The following CMIP variants were observed in gnomAD, a reference collection of about 807,000 sequenced individuals.
The protein encoded by CMIP is c-Maf inducing protein.
In CMIP, 13 loss-of-function variants were observed where a neutral mutation model predicts 97.3. That is an observed-to-expected ratio of 0.13 (90% CI 0.09 to 0.21). CMIP has a LOEUF of 0.21. Among genes scored for constraint, CMIP ranks in the 10% least tolerant of loss-of-function variants. CMIP has a pLI of 1.00. For missense variants in CMIP, 847 were observed against 1,024.9 expected (o/e 0.83, Z 2.37); for synonymous variants, 538 against 436.3 (o/e 1.23, Z -2.91).
intron 13 of CMIP, chr16:81,696,072 T>G: frequency 5.6e-6 from 1 of 177,452 alleles, no homozygotes; most frequent in South Asian, 1.1e-4. Context: ...AGGGAGAGGT[T>G]TCTAGAGAAA....
At chr16:81,479,063 C>T (rs1224721097) in intron 1 of CMIP, among the ~76,000 whole-genome samples, 2 of 152,164 alleles carry the variant, frequency 1.3e-5, no homozygotes, top group African/African-American at 4.8e-5. Context: ...AAAGTGTGCA[C>T]CAGCTCTTTA....
intron 3 of CMIP, among the ~76,000 whole-genome samples, chr16:81,641,516 T>C (rs1156708027): frequency 6.6e-6 from 1 of 152,206 alleles, no homozygotes. Context: ...GGTACTCAGC[T>C]GGGAGCCTGA....
chr16:81,665,718 A>G (rs2092595904), intron 7 of CMIP: 1 of 152,220 alleles, frequency 6.6e-6, no homozygotes, highest in African/African-American at 2.4e-5. Context: ...AGAATAGTAT[A>G]TCACCTACAG....
At chr16:81,523,622 C>T (rs529136124) in intron 1 of CMIP, among the ~76,000 whole-genome samples, 3 of 152,346 alleles carry the variant, frequency 2.0e-5, no homozygotes, top group Non-Finnish European at 1.5e-5. Context: ...ATTTAGATCC[C>T]AGCCAAACCC....
intron 1 of CMIP, chr16:81,464,407 G>T (rs930225573): frequency 6.6e-6 from 1 of 152,216 alleles, no homozygotes; most frequent in Non-Finnish European, 1.5e-5. Flanking sequence ...CCCAGTCGCT[G>T]TCCCTACCCC....
At chr16:81,554,960 C>G (rs1050641133) in intron 1 of CMIP, among the ~76,000 whole-genome samples, 2 of 152,194 alleles carry the variant, frequency 1.3e-5, no homozygotes, top group Admixed American at 1.3e-4. Context: ...GGATGCCCCC[C>G]AGAAGGGGGG....
At chr16:81,509,979 C>T (rs774620534) in intron 1 of CMIP, among the ~76,000 whole-genome samples, 1 of 152,206 alleles carries the variant, frequency 6.6e-6, no homozygotes, top group Non-Finnish European at 1.5e-5. Flanking sequence ...GGAAGTATGC[C>T]TGAATCAGAC....
Position 81,566,020 on chromosome 16 carries a change from G to A in CMIP, c.301-41547G>A, listed in dbSNP as rs2090977381. 2.0e-5 allele frequency among the ~76,000 whole-genome samples: 3 copies of A among 152,278 alleles called. No homozygotes were observed. In the South Asian group the frequency reaches 6.2e-4, roughly 32 times the overall value. ...CAGGCGAGAAACTCGGGAGGCCGAG[G>A]CAAATAGTTGGTTCTTTGAGGCTGA... On this transcript the variant is annotated intron_variant, in intron 1 of 20. Coordinates refer to ENST00000537098, the MANE Select transcript of CMIP (RefSeq NM_198390.3).
rs190406212 is a variant in CMIP at position 81,474,478 on chromosome 16, G to A, written c.300+28937G>A. Among the ~76,000 whole-genome samples, 7 of 152,290 alleles carry A rather than the reference G, an allele frequency of 4.6e-5. No homozygotes were observed. The East Asian group carries it at 1.2e-3, about 25-fold the overall frequency. ...ACGTCGCACACTACTTCTGCTTCAT[G>A]TGAGGGGTTCATGGTGGCTTCTCCC... On this transcript the variant is annotated intron_variant, in intron 1 of 20. Transcript: ENST00000537098.
At chr16:81,540,247 G>A (rs764493651) in intron 1 of CMIP, among the ~76,000 whole-genome samples, 4 of 152,146 alleles carry the variant, frequency 2.6e-5, no homozygotes, top group Non-Finnish European at 4.4e-5. Flanking sequence ...ATGAGTCCCC[G>A]GCTTTCCTTA....
At chr16:81,470,884 A>G (rs1055626820) in intron 1 of CMIP, among the ~76,000 whole-genome samples, 5 of 152,264 alleles carry the variant, frequency 3.3e-5, no homozygotes, top group African/African-American at 1.2e-4. Context: ...GATCAGTACA[A>G]AAAGAAATCC....
intron 6 of CMIP, among the ~76,000 whole-genome samples, chr16:81,661,624 C>T (rs1192563602): frequency 1.3e-5 from 2 of 152,232 alleles, no homozygotes; most frequent in East Asian, 3.8e-4. Context: ...GCCACGGTCA[C>T]CCGCTGTCCT....
At chr16:81,591,065 C>T (rs1191070174) in intron 1 of CMIP, among the ~76,000 whole-genome samples, 1 of 152,142 alleles carries the variant, frequency 6.6e-6, no homozygotes, top group Middle Eastern at 3.2e-3. Flanking sequence ...TCTCTCTGGC[C>T]CTTTACAGAA....
chr16:81,692,306 C>T (rs1361954880), intron 11 of CMIP, among the ~76,000 whole-genome samples: 2 of 152,258 alleles, frequency 1.3e-5, no homozygotes, highest in African/African-American at 2.4e-5. Flanking sequence ...GTACAACGCT[C>T]AGCTCAGGCT....
chr16:81,635,777 C>G (rs1209152315), intron 3 of CMIP, among the ~76,000 whole-genome samples: 1 of 151,848 alleles, frequency 6.6e-6, no homozygotes, highest in Non-Finnish European at 1.5e-5. Context: ...ACAGCTCTGC[C>G]CATTTGGGGG....
chr16:81,464,590 T>C (rs1206998363), intron 1 of CMIP: 1 of 152,244 alleles, frequency 6.6e-6, no homozygotes, highest in Non-Finnish European at 1.5e-5. Flanking sequence ...AAAATATGCA[T>C]AACACAATAC....
intron 1 of CMIP, among the ~76,000 whole-genome samples, chr16:81,582,771 C>G (rs1404201615): frequency 6.6e-6 from 1 of 152,176 alleles, no homozygotes; most frequent in Admixed American, 6.5e-5. Context: ...AGCAGCAAAT[C>G]AGGATGAAGC....
chr16:81,503,319 G>T (rs2089646421), intron 1 of CMIP, among the ~76,000 whole-genome samples: 1 of 152,154 alleles, frequency 6.6e-6, no homozygotes, highest in Non-Finnish European at 1.5e-5. Context: ...TTTCCCCCTG[G>T]TATGAGCAGT....
At chr16:81,555,390 G>A (rs1175334039) in intron 1 of CMIP, among the ~76,000 whole-genome samples, 1 of 152,116 alleles carries the variant, frequency 6.6e-6, no homozygotes, top group Non-Finnish European at 1.5e-5. Context: ...AGAGGAATCC[G>A]GACCCATGGG....
Sources: allele counts gnomAD v4.1 joint callset (sites outside exome capture counted in the v4.1 genomes callset), GRCh38; gene constraint gnomAD v4.1.1; transcripts MANE v1.5; gene names NCBI Gene and HGNC (gene_info 2026-07-23, HGNC 2026-07-21).